MAGI2: variants seen among roughly 807,000 people sequenced by gnomAD.
The protein encoded by MAGI2 is membrane-associated guanylate kinase, WW and PDZ domain-containing protein 2.
In MAGI2, 35 loss-of-function variants were observed where a neutral mutation model predicts 133.3. The observed-to-expected ratio is 0.26, with a 90% CI of 0.20 to 0.35. MAGI2 has a LOEUF of 0.35. Ranked by LOEUF, MAGI2 falls within the 10% of genes least tolerant of loss-of-function variation. The pLI is 1.00. For missense variants in MAGI2, 1,636 were observed against 1,863.4 expected (o/e 0.88, Z 2.25); for synonymous variants, 729 against 710.6 (o/e 1.03, Z -0.41).
chr7:79,443,994 A>T (rs1848669715), intron 1 of MAGI2, among the ~76,000 whole-genome samples: 1 of 152,020 alleles, frequency 6.6e-6, no homozygotes, highest in African/African-American at 2.4e-5. Flanking sequence ...TCTTCTACAA[A>T]TTTTTTCATT....
At chr7:78,224,860 GTCACTCA>G (rs752203236) in intron 10 of MAGI2, among the ~76,000 whole-genome samples, 1 of 151,918 alleles carries the variant, frequency 6.6e-6, no homozygotes, top group Non-Finnish European at 1.5e-5. Context: ...TGTCTCTACC[GTCACTCA>G]GCATCAAGTC....
chr7:79,275,213 C>T (rs957931056), intron 1 of MAGI2, among the ~76,000 whole-genome samples: 8 of 151,990 alleles, frequency 5.3e-5, no homozygotes, highest in Non-Finnish European at 1.2e-4. Context: ...AAACAGTTAG[C>T]CAAATCATGA....
intron 1 of MAGI2, among the ~76,000 whole-genome samples, chr7:79,069,916 A>C (rs1045992225): frequency 4.6e-5 from 7 of 152,166 alleles, no homozygotes; most frequent in Admixed American, 6.5e-5. Context: ...TTTCTTTAAG[A>C]ATGTTAAATA....
chr7:78,150,834 A>G (rs1406494497), intron 16 of MAGI2, among the ~76,000 whole-genome samples: 4 of 152,168 alleles, frequency 2.6e-5, no homozygotes, highest in Non-Finnish European at 1.5e-5. Flanking sequence ...GAATTTTAGA[A>G]AATGCATTGT....
At chr7:78,723,330 A>G (rs1340945728) in intron 2 of MAGI2, among the ~76,000 whole-genome samples, 1 of 152,182 alleles carries the variant, frequency 6.6e-6, no homozygotes, top group Non-Finnish European at 1.5e-5. Flanking sequence ...TTTATTTAGC[A>G]CTTACTAAAT....
At chr7:79,254,938 G>T (rs1833578197) in intron 1 of MAGI2, among the ~76,000 whole-genome samples, 1 of 152,094 alleles carries the variant, frequency 6.6e-6, no homozygotes, top group Admixed American at 6.6e-5. Context: ...CGGGAGAGAG[G>T]CACTAGAACA....
At chr7:79,188,587 T>G (rs747012307) in intron 1 of MAGI2, among the ~76,000 whole-genome samples, 1 of 151,824 alleles carries the variant, frequency 6.6e-6, no homozygotes, top group African/African-American at 2.4e-5. Flanking sequence ...AATGAACATA[T>G]GCATAAGCAC....
chr7:78,713,633 A>C (rs899224819), intron 2 of MAGI2, among the ~76,000 whole-genome samples: 1 of 152,184 alleles, frequency 6.6e-6, no homozygotes, highest in Non-Finnish European at 1.5e-5. Context: ...GTACATTAAA[A>C]AACAAGAACC....
intron 2 of MAGI2, among the ~76,000 whole-genome samples, chr7:78,787,248 G>A (rs1042143727): frequency 5.9e-5 from 9 of 152,044 alleles, no homozygotes; most frequent in Admixed American, 1.3e-4. Context: ...GCCTGGCCTC[G>A]AACTGTTTCT....
chr7:78,135,784 C>T (rs894387544), intron 16 of MAGI2, among the ~76,000 whole-genome samples: 2 of 152,064 alleles, frequency 1.3e-5, no homozygotes, highest in Non-Finnish European at 2.9e-5. Context: ...AAGTTATAAC[C>T]ACCTTCCCAC....
chr7:79,026,451 G>C (rs1809890943), intron 1 of MAGI2, among the ~76,000 whole-genome samples: 1 of 152,180 alleles, frequency 6.6e-6, no homozygotes, highest in Non-Finnish European at 1.5e-5. Context: ...AGAAGCAAGA[G>C]TGTGGACACA....
At chr7:79,050,699 G>A (rs960690242) in intron 1 of MAGI2, among the ~76,000 whole-genome samples, 2 of 152,056 alleles carry the variant, frequency 1.3e-5, no homozygotes, top group African/African-American at 2.4e-5. Flanking sequence ...ATAAATTCTC[G>A]AAAAAATTTT....
chr7:78,417,454 C>T (rs1016015321), intron 6 of MAGI2, among the ~76,000 whole-genome samples: 4 of 152,114 alleles, frequency 2.6e-5, no homozygotes, highest in Non-Finnish European at 4.4e-5. Flanking sequence ...AAAAGTTTAT[C>T]AATCACTCCC....
At chr7:78,865,859 G>A (rs1794514737) in intron 2 of MAGI2, among the ~76,000 whole-genome samples, 1 of 152,014 alleles carries the variant, frequency 6.6e-6, no homozygotes, top group African/African-American at 2.4e-5. Flanking sequence ...GAGGGAGGGT[G>A]GATAATTATA....
intron 2 of MAGI2, among the ~76,000 whole-genome samples, chr7:78,650,888 T>C (rs1186673823): frequency 1.3e-5 from 2 of 152,166 alleles, no homozygotes; most frequent in Non-Finnish European, 2.9e-5. Context: ...AGTCACTTTA[T>C]TTCTTTGTAT....
chr7:78,242,767 T>G (rs1269880323), intron 10 of MAGI2, among the ~76,000 whole-genome samples: 1 of 152,118 alleles, frequency 6.6e-6, no homozygotes, highest in Non-Finnish European at 1.5e-5. Flanking sequence ...TCATGGTGGT[T>G]TTTAAATTGT....
At position 79,104,046 on chromosome 7, in the gene MAGI2, T is replaced by C. The variant is rs953040434; in HGVS notation, c.302-96840A>G. On this transcript the variant is annotated intron_variant, in intron 1 of 21. Transcript: ENST00000354212. ...TGGCTACATGGTTGTATTCACTTTG[T>C]TATAGTTCATCAAGCTGTGCACTTA... Among the ~76,000 whole-genome samples the C allele has an allele frequency of 3.3e-4, 51 of 152,268 alleles. 1 individual carries two copies. In the South Asian group the frequency reaches 4.1e-3, roughly 12 times the overall value.
chr7:79,186,653 A>C (rs1479803303), intron 1 of MAGI2, among the ~76,000 whole-genome samples: 1 of 146,034 alleles, frequency 6.8e-6, no homozygotes, highest in Non-Finnish European at 1.5e-5. Flanking sequence ...CATATATATA[A>C]TATAAACAAA....
At chr7:78,728,414 G>A (rs1461156609) in intron 2 of MAGI2, among the ~76,000 whole-genome samples, 1 of 151,980 alleles carries the variant, frequency 6.6e-6, no homozygotes, top group South Asian at 2.1e-4. Flanking sequence ...CTTACTCTAT[G>A]GAACTCAAAT....
Sources: allele counts gnomAD v4.1 joint callset (sites outside exome capture counted in the v4.1 genomes callset), GRCh38; gene constraint gnomAD v4.1.1; transcripts MANE v1.5; gene names NCBI Gene and HGNC (gene_info 2026-07-23, HGNC 2026-07-21).